The following RECQL variants were observed in gnomAD, a reference collection of about 807,000 sequenced individuals.
The protein encoded by RECQL is RecQ like helicase, also known as ATP-dependent DNA helicase Q1.
A neutral mutation model predicts 75.8 loss-of-function variants in RECQL; 73 were observed. The ratio of observed to expected loss-of-function variants is 0.96; its 90% CI spans 0.80 to 1.17. RECQL has a LOEUF of 1.17. Ranked by LOEUF, RECQL falls within the 50% of genes most tolerant of loss-of-function variation. RECQL has a pLI of 0.00. For synonymous variants in RECQL, 248 were observed against 254.4 expected (o/e 0.97, Z 0.24); for missense variants, 699 against 772.1 (o/e 0.91, Z 1.12).
chr12:21,473,449 C>G (rs765958032), intron 12 of RECQL, 102 bp downstream of exon 12: 131 of 863,470 alleles, frequency 1.5e-4, no homozygotes, highest in Middle Eastern at 1.1e-3. Context: ...GATGTTTGCA[C>G]AATGACAAAA....
intron 6 of RECQL, among the ~76,000 whole-genome samples, chr12:21,478,214 T>C (rs1943123289): frequency 6.6e-6 from 1 of 152,138 alleles, no homozygotes; most frequent in Non-Finnish European, 1.5e-5. Context: ...TTTTAATTTA[T>C]TACAACTAAC....
Position 21,469,104 on chromosome 12 carries a change from T to A in RECQL, c.*1090A>T, listed in dbSNP as rs1942861724. On this transcript the variant is annotated 3_prime_UTR_variant, in exon 15 of 15. Transcript: ENST00000444129. ...TACTCTAGTAGACTAGAACCATTCT[T>A]TGTGAAATGTCAAAATATGGCTATG... 1.2e-5 allele frequency: 2 copies of A among 172,340 alleles called. No homozygotes were observed. The highest frequency in any genetic ancestry group is 2.8e-4 in the South Asian group (2 of 7,232). The allele number at this position is 172,340 out of a possible 1,614,324, so 10.7% of individuals were successfully genotyped here. A position where few individuals can be genotyped will look rare whatever the true frequency, so the allele number is the denominator to read the frequency against.
At chr12:21,477,073 G>C in intron 7 of RECQL, 81 bp from the exon 8 acceptor site, 1 of 881,338 alleles carries the variant, frequency 1.1e-6, no homozygotes, top group Non-Finnish European at 1.7e-6. Flanking sequence ...TCAGGATGCA[G>C]TTCTTTCATG....
chr12:21,498,193 C>T (rs981288687), intron 2 of RECQL, among the ~76,000 whole-genome samples: 5 of 152,180 alleles, frequency 3.3e-5, no homozygotes, highest in African/African-American at 1.2e-4. Flanking sequence ...CAGCAGCTAG[C>T]CTGAGAAAAT....
intron 5 of RECQL, among the ~76,000 whole-genome samples, chr12:21,485,646 C>G (rs77678397): frequency 0.034 from 5,084 of 151,622 alleles, 127 homozygotes; most frequent in Middle Eastern, 0.058. Flanking sequence ...CAGCACTTTT[C>G]TTTAAAGTTA....
intron 4 of RECQL, among the ~76,000 whole-genome samples, chr12:21,489,850 G>A (rs1356581969): frequency 2.6e-5 from 4 of 152,156 alleles, no homozygotes; most frequent in Admixed American, 2.6e-4. Flanking sequence ...ATTAATCTCA[G>A]AAGTTTTTAA....
At chr12:21,486,158 A>C (rs369276302) in intron 5 of RECQL, among the ~76,000 whole-genome samples, 84 of 152,330 alleles carry the variant, frequency 5.5e-4, no homozygotes, top group African/African-American at 1.9e-3. Flanking sequence ...GCAGCCATAG[A>C]CAACATGTCA....
intron 6 of RECQL, among the ~76,000 whole-genome samples, chr12:21,481,801 T>A (rs189804458): frequency 1.3e-5 from 2 of 151,570 alleles, no homozygotes; most frequent in East Asian, 3.9e-4. Flanking sequence ...GAGGTGAGAA[T>A]GGAAGGGAAG....
intron 5 of RECQL, among the ~76,000 whole-genome samples, chr12:21,485,734 G>C (rs1171101692): frequency 6.6e-6 from 1 of 151,948 alleles, no homozygotes; most frequent in Non-Finnish European, 1.5e-5. Context: ...AGAGGAAAGG[G>C]GTAGGGAAAA....
At chr12:21,489,208 TG>T (rs1202112520) in intron 4 of RECQL, among the ~76,000 whole-genome samples, 1 of 152,248 alleles carries the variant, frequency 6.6e-6, no homozygotes, top group African/African-American at 2.4e-5. Flanking sequence ...TGCCTATTTT[TG>T]TAAGTTATTT....
chr12:21,470,188 T>A lies in RECQL; in HGVS notation c.*6A>T. ...TCTTTAATTAGAAAATTTAGTAACA[T>A]TCATATCAGGCATCATCGATTTTTC... On this transcript the variant is annotated 3_prime_UTR_variant, in exon 15 of 15. Coordinates refer to ENST00000444129, the MANE Select transcript of RECQL (RefSeq NM_002907.4). The A allele has an allele frequency of 6.2e-7, 1 of 1,610,548 alleles. No individual in the cohort carries two copies. The highest frequency in any genetic ancestry group is 1.7e-5 in the Admixed American group (1 of 59,614).
At chr12:21,485,333 AAAAAAAAAAAG>A (rs1162113864) in intron 5 of RECQL, among the ~76,000 whole-genome samples, 2 of 149,730 alleles carry the variant, frequency 1.3e-5, no homozygotes, top group East Asian at 1.9e-4. Flanking sequence ...CAGAACTGAA[AAAAAAAAAAAG>A]AAAAAGAAAG....
chr12:21,472,499 C>G (rs1942997249), intron 12 of RECQL, among the ~76,000 whole-genome samples: 1 of 151,598 alleles, frequency 6.6e-6, no homozygotes. Context: ...TAGTTATATG[C>G]TAAATAAGGG....
rs546238547 is a variant in RECQL at position 21,501,357 on chromosome 12, A to G, written c.-233T>C. ...TGTGGGCGAAAGGAAGTGATCCGCT[A>G]CAGACCGGCCTCGCCCTGCAGCAGG... On this transcript the variant is annotated 5_prime_UTR_variant, in exon 1 of 15. Coordinates refer to ENST00000444129, the MANE Select transcript of RECQL (RefSeq NM_002907.4). The G allele has an allele frequency of 6.5e-6, 1 of 152,874 alleles. No homozygotes were observed. The highest frequency in any genetic ancestry group is 1.9e-4 in the East Asian group (1 of 5,176). The allele number at this position is 152,874 out of a possible 1,614,324, so 9.5% of individuals were successfully genotyped here. A position where few individuals can be genotyped will look rare whatever the true frequency, so the allele number is the denominator to read the frequency against.
At position 21,469,987 on chromosome 12, in the gene RECQL, GT is replaced by G; in HGVS notation, c.*206del. ...GGTTTTACATAAAAATTTTTCCCTTGTTTTATACTGGAAAATTATATAATTC... is the reference window on the plus strand; with the variant it reads ...GGTTTTACATAAAAATTTTTCCCTTGTTTATACTGGAAAATTATATAATTC... On this transcript the variant is annotated 3_prime_UTR_variant, in exon 15 of 15. Coordinates refer to ENST00000444129, the MANE Select transcript of RECQL (RefSeq NM_002907.4). The G allele has an allele frequency of 1.6e-6, 1 of 632,294 alleles. No homozygotes were observed. 39.2% of individuals were successfully genotyped at this position (632,294 alleles called of 1,614,324 possible). A position where few individuals can be genotyped will look rare whatever the true frequency, so the allele number is the denominator to read the frequency against.
chr12:21,477,039 C>A (rs1434741559), intron 7 of RECQL, 47 bp from the exon 8 acceptor site: 3 of 1,360,862 alleles, frequency 2.2e-6, no homozygotes, highest in Admixed American at 2.0e-5. Context: ...GAGTACCATC[C>A]AAGTGGCTGT....
intron 2 of RECQL, among the ~76,000 whole-genome samples, chr12:21,495,335 G>T (rs377295394): frequency 1.3e-5 from 2 of 152,196 alleles, no homozygotes; most frequent in Non-Finnish European, 2.9e-5. Flanking sequence ...GGTGGCTCAC[G>T]CCTGTAATCC....
At chr12:21,492,150 C>CT (rs1172112697) in intron 2 of RECQL, among the ~76,000 whole-genome samples, 1 of 152,136 alleles carries the variant, frequency 6.6e-6, no homozygotes, top group African/African-American at 2.4e-5. Context: ...CAAAAGGAAG[C>CT]TAATTCCCTA....
intron 6 of RECQL, among the ~76,000 whole-genome samples, chr12:21,480,643 C>T (rs1490099773): frequency 6.6e-6 from 1 of 152,128 alleles, no homozygotes. Flanking sequence ...ATGGCTGCTT[C>T]CTCCCTAACT....
Sources: allele counts gnomAD v4.1 joint callset (sites outside exome capture counted in the v4.1 genomes callset), GRCh38; gene constraint gnomAD v4.1.1; transcripts MANE v1.5; gene names NCBI Gene and HGNC (gene_info 2026-07-23, HGNC 2026-07-21).